The following MYH3 variants were observed in gnomAD, a reference collection of about 807,000 sequenced individuals.
The protein encoded by MYH3 is myosin heavy chain 3.
In MYH3, 130 loss-of-function variants were observed where a neutral mutation model predicts 238.0. The observed-to-expected ratio is 0.55, with a 90% confidence interval of 0.47 to 0.63. The LOEUF (loss-of-function observed/expected upper bound fraction) is 0.63, where lower values mean the gene tolerates loss of function less well. Ranked by LOEUF, MYH3 falls within the 30% of genes least tolerant of loss-of-function variation. The pLI is 0.00. For synonymous variants in MYH3, 880 were observed against 924.1 expected, an observed-to-expected ratio of 0.95 and a Z score of 0.86; for missense variants, 1,853 against 2,374.9, an observed-to-expected ratio of 0.78 and a Z score of 4.57.
In MYH3 at chr17:10,652,533, C is replaced by T. The variant is rs763858044; in HGVS notation, c.235G>A (p.Ala79Thr). 38 of 1,560,102 alleles carry T rather than the reference C, an allele frequency of 2.4e-5. No homozygotes were observed. The highest frequency in any genetic ancestry group is 7.6e-5 in the East Asian group (3 of 39,278). ...CTGTCGAACTTGGGGGGGTTCATGG[C>T]GTACACATCCTCTGGTTTGACCACC... ...TLVVKPEDVY[A>T]MNPPKFDRIE... The change falls in exon 4 of 41, where the codon GCC becomes ACC. Residue 79 changes from alanine (A) to threonine (T), a missense_variant. By Grantham distance (58) the Ala-to-Thr change is moderately conservative. This residue lies in a region of MYH3 where 131 missense variants were observed against 123.5 expected (regional missense o/e 1.06). Coordinates refer to ENST00000583535, the MANE Select transcript of MYH3 (RefSeq NM_002470.4).
intron 29 of MYH3, 43 bp from the exon 30 acceptor site, chr17:10,635,606 C>G: frequency 6.2e-7 from 1 of 1,614,084 alleles, no homozygotes. Context: ...ATATTTAGTG[C>G]CAGGTGCATG....
chr17:10,642,495 C>G lies in MYH3; in HGVS notation c.1810G>C (p.Glu604Gln), dbSNP rs369547729. The G allele has an allele frequency of 6.2e-7, 1 of 1,614,212 alleles. No individual in the cohort carries two copies. Among genetic ancestry groups the G allele is most frequent in the Non-Finnish European group, 8.5e-7 (1 of 1,180,030 alleles). ...TTCTGGTACAGCCCAACCACAGTCT[C>G]GTTCAGAGGGTCCTTGTTCTTCTCC... ...WLEKNKDPLN[E>Q]TVVGLYQKSS... The change falls in exon 16 of 41, where the codon GAG becomes CAG. Residue 604 changes from glutamate (E) to glutamine (Q), a missense_variant. Glu to Gln is a conservative substitution (Grantham distance 29). Transcript: ENST00000583535. This position sits in a 1 kb window ranked among gnomAD's most constrained non-coding sequence, Gnocchi z 5.4.
At chr17:10,673,880 A>G in the MYH3 span, 1 of 152,230 alleles carries the variant, frequency 6.6e-6, no homozygotes, top group African/African-American at 2.4e-5. Flanking sequence ...AAAAATTTCA[A>G]AAGTGGGGCA....
At chr17:10,646,127 C>G in intron 10 of MYH3, 95 bp from the exon 11 acceptor site, 2 of 940,104 alleles carry the variant, frequency 2.1e-6, no homozygotes, top group Non-Finnish European at 3.4e-6. Flanking sequence ...GGAACTTTTA[C>G]CGCTGGATCC....
In MYH3 at chr17:10,650,452, C is replaced by T. The variant is rs62060696; in HGVS notation, c.506-51G>A. 32,899 of 1,518,372 alleles carry T rather than the reference C, an allele frequency of 0.022. 434 individuals carry two copies. Among genetic ancestry groups the T allele is most frequent in the Non-Finnish European group, 0.026 (28,337 of 1,095,570 alleles). 94.1% of individuals were successfully genotyped at this position (1,518,372 alleles called of 1,614,324 possible). A position where few individuals can be genotyped will look rare whatever the true frequency, so the allele number is the denominator to read the frequency against. ...GTTGATGGCAATAGAAAAAGAGCTT[C>T]CCGATTCTACCCAACTCTCAAGTAG... On this transcript the variant is annotated intron_variant, in intron 5 of 40. Transcript: ENST00000583535.
Position 10,652,582 on chromosome 17 carries a change from A to C in MYH3, c.205-19T>G. The C allele has an allele frequency of 7.2e-7, 1 of 1,394,568 alleles. No homozygotes were observed. Among genetic ancestry groups the C allele is most frequent in the Non-Finnish European group, 9.9e-7 (1 of 1,006,084 alleles). 86.4% of individuals were successfully genotyped at this position (1,394,568 alleles called of 1,614,324 possible). A position where few individuals can be genotyped will look rare whatever the true frequency, so the allele number is the denominator to read the frequency against. ...CCAGGGTCTAAAAAGGAAGAGGCAC[A>C]GTGCTTCACTAAGATGGTCTGCACG... On this transcript the variant is annotated intron_variant, in intron 3 of 40. Transcript: ENST00000583535.
chr17:10,644,468 T>G lies in MYH3; in HGVS notation c.1293A>C (p.Ser431=), dbSNP rs1226714496. 6.8e-6 allele frequency: 11 copies of G among 1,614,188 alleles called. No homozygotes were observed. The highest frequency in any genetic ancestry group is 6.8e-6 in the Non-Finnish European group (8 of 1,180,000). The part of the protein sequence containing the change: ...VHHAVNALSK[S]VYEKLFLWMV... Reference sequence around the variant, plus strand: ...TCCACAAGAACAACTTTTCATAAACTGATTTTGAAAGAGCATTCACAGCAT... The same window carrying G: ...TCCACAAGAACAACTTTTCATAAACGGATTTTGAAAGAGCATTCACAGCAT... The change falls in exon 14 of 41, where the codon TCA becomes TCC. Residue 431 remains serine, a synonymous_variant. Transcript: ENST00000583535.
chr17:10,667,892 T>C, the MYH3 span, among the ~76,000 whole-genome samples: 5 of 152,154 alleles, frequency 3.3e-5, no homozygotes, highest in African/African-American at 1.2e-4. Context: ...TTATATGATT[T>C]TGACTTTTGA....
chr17:10,652,438 G>A lies in MYH3; in HGVS notation c.330C>T (p.Tyr110=). 1.2e-6 allele frequency: 2 copies of A among 1,614,024 alleles called. No individual in the cohort carries two copies. The highest frequency in any genetic ancestry group is 1.3e-5 in the African/African-American group (1 of 74,994). ...PAVLYNLKDR[Y]TSWMIYTYSG... is the part of the protein sequence containing the mutation. The stretch of plus-strand genomic sequence containing the variant: ...CGCTGACATAGATCATCCAAGATGT[G>A]TAACGGTCCTTCAGGTTGTACAGCA... Residue 110 remains tyrosine (Y), a synonymous_variant, in exon 4 of 41, where the codon TAC becomes TAT. Transcript: ENST00000583535.
At chr17:10,672,000 G>C in the MYH3 span, among the ~76,000 whole-genome samples, 9 of 152,094 alleles carry the variant, frequency 5.9e-5, no homozygotes. Context: ...GCCTAGTAAT[G>C]GTTTACTTTA....
At position 10,638,767 on chromosome 17, in the gene MYH3, G is replaced by A. The variant is rs1342795941; in HGVS notation, c.3339+106C>T. The A allele has an allele frequency of 5.3e-6, 6 of 1,138,842 alleles. No homozygotes were observed. The South Asian group carries it at 7.7e-5, about 15-fold the overall frequency. The allele number at this position is 1,138,842 out of a possible 1,614,324, so 70.5% of individuals were successfully genotyped here. On this transcript the variant is annotated intron_variant, in intron 26 of 40. Coordinates refer to ENST00000583535, the MANE Select transcript of MYH3 (RefSeq NM_002470.4). Reference sequence around the variant, plus strand: ...TAGCAGAAAGGGAACCATGAGGCAGGTGGCCCCACAGTCTTGCCCACTTTC... The same window carrying A: ...TAGCAGAAAGGGAACCATGAGGCAGATGGCCCCACAGTCTTGCCCACTTTC...
chr17:10,676,488 T>G, the MYH3 span: 1 of 152,126 alleles, frequency 6.6e-6, no homozygotes, highest in Non-Finnish European at 1.5e-5. Flanking sequence ...CAGACAAAAT[T>G]AAATGGTGGT....
chr17:10,635,230 T>C, intron 30 of MYH3, 137 bp downstream of exon 30: 1 of 1,446,496 alleles, frequency 6.9e-7, no homozygotes, highest in South Asian at 1.2e-5. Flanking sequence ...TTTAATAAAA[T>C]GTGCTAACGC....
Position 10,629,935 on chromosome 17 carries a change from A to C in MYH3, c.5565T>G (p.Ser1855Arg). Residue 1855 changes from serine (S) to arginine (R), a missense_variant and splice_region_variant, in exon 39 of 41, where the codon AGT (serine) becomes AGG (arginine). Physicochemically the swap from Ser to Arg is moderately radical, Grantham distance 110. Transcript: ENST00000583535. ...ERRVKELTYQ[S>R]EEDRKNVLRL... ...TCAGCACATTCTTCCTGTCCTCTTCACTCTAAGAATGAGAAAGTGGGAATG... is the reference window on the plus strand; with the variant it reads ...TCAGCACATTCTTCCTGTCCTCTTCCCTCTAAGAATGAGAAAGTGGGAATG... 1 of 1,613,874 alleles carries C rather than the reference A, an allele frequency of 6.2e-7. No individual in the cohort carries two copies. The highest frequency in any genetic ancestry group is 8.5e-7 in the Non-Finnish European group (1 of 1,179,954).
chr17:10,640,487 T>C lies in MYH3; in HGVS notation c.2290-18A>G. 6.2e-7 allele frequency: 1 copy of C among 1,614,144 alleles called. No individual in the cohort carries two copies. Among genetic ancestry groups the C allele is most frequent in the Non-Finnish European group, 8.5e-7 (1 of 1,180,032 alleles). On this transcript the variant is annotated intron_variant, in intron 20 of 40. Transcript: ENST00000583535. ...AAGAACACCTTATGGGGCAGAAGGG[T>C]GACATGAGTCAGTTTCCTAGAGAAG...
chr17:10,674,108 G>C, the MYH3 span: 2 of 152,570 alleles, frequency 1.3e-5, no homozygotes, highest in African/African-American at 4.8e-5. Context: ...CTGAGGTGGG[G>C]ATCTTGTTAA....
rs1257729708 is a variant in MYH3 at position 10,629,447 on chromosome 17, G to C, written c.5796+150C>G. The C allele has an allele frequency of 5.4e-6, 5 of 920,638 alleles. No individual in the cohort carries two copies. In the East Asian group the frequency reaches 1.0e-4, roughly 19 times the overall value. The allele number at this position is 920,638 out of a possible 1,614,324, so 57.0% of individuals were successfully genotyped here. On this transcript the variant is annotated intron_variant, in intron 40 of 40. Transcript: ENST00000583535. ...GTGACTCACAGACCAGGATTCTAGC[G>C]AGGGTCCAGTCAGCTAAGTGACTTT... is the stretch of plus-strand genomic sequence containing the variant.
In MYH3 at chr17:10,652,401, G is replaced by A. The variant is rs756128384; in HGVS notation, c.348+19C>T. On this transcript the variant is annotated intron_variant, in intron 4 of 40. Transcript: ENST00000583535. ...ATATCTAATGCCCCAGGGAAACCAC[G>A]TCGAAAGCCCTCGCTGACATAGATC... The A allele has an allele frequency of 2.4e-5, 38 of 1,613,338 alleles. No individual in the cohort carries two copies. Among genetic ancestry groups the A allele is most frequent in the Non-Finnish European group, 2.8e-5 (33 of 1,179,822 alleles).
At chr17:10,634,770 C>A (rs1447781428) in intron 31 of MYH3, 70 bp downstream of exon 31, 10 of 1,595,962 alleles carry the variant, frequency 6.3e-6, no homozygotes, top group Non-Finnish European at 8.6e-6. Flanking sequence ...GGGATGCATT[C>A]TCCTCCTTCC....
Sources: allele counts gnomAD v4.1 joint callset (sites outside exome capture counted in the v4.1 genomes callset), GRCh38; gene constraint gnomAD v4.1.1; regional missense constraint gnomAD v4.1.1; non-coding constraint Gnocchi (gnomAD v3.1); transcripts MANE v1.5; gene names NCBI Gene and HGNC (gene_info 2026-07-23, HGNC 2026-07-21).